The following PCED1B variants were observed in gnomAD, a reference collection of about 807,000 sequenced individuals.
PCED1B encodes the protein PC-esterase domain-containing protein 1B.
For missense variants in PCED1B, 573 were observed against 573.9 expected, an observed-to-expected ratio of 1.00 and a Z score of 0.02; for synonymous variants, 251 against 246.1, an observed-to-expected ratio of 1.02 and a Z score of -0.19.
At chr12:47,180,274 A>G (rs1024100535) in intron 2 of PCED1B, among the ~76,000 whole-genome samples, 1 of 152,224 alleles carries the variant, frequency 6.6e-6, no homozygotes, top group Admixed American at 6.5e-5. Context: ...ACATGATCTC[A>G]TTCCTTTTTA....
intron 1 of PCED1B, among the ~76,000 whole-genome samples, chr12:47,103,793 A>G (rs1231759988): frequency 6.6e-6 from 1 of 152,224 alleles, no homozygotes; most frequent in African/African-American, 2.4e-5. Context: ...GCCGTAAGAC[A>G]TCAGGTAAGT....
intron 2 of PCED1B, among the ~76,000 whole-genome samples, chr12:47,132,231 T>C (rs532266852): frequency 2.6e-5 from 4 of 152,294 alleles, no homozygotes; most frequent in South Asian, 4.1e-4. Context: ...TCAGTTGAGA[T>C]AGAGCTTTGA....
At chr12:47,089,372 G>A (rs762943677) in intron 1 of PCED1B, among the ~76,000 whole-genome samples, 5 of 149,272 alleles carry the variant, frequency 3.3e-5, no homozygotes, top group African/African-American at 7.4e-5. Context: ...GCATGAACCC[G>A]GGTGGCGGGG....
At chr12:47,232,910 TTTA>T in intron 3 of PCED1B, among the ~76,000 whole-genome samples, 1 of 78,108 alleles carries the variant, frequency 1.3e-5, no homozygotes, top group Non-Finnish European at 3.1e-5. Flanking sequence ...AGAAATTTTA[TTTA>T]TTTATTTATT....
intron 3 of PCED1B, chr12:47,223,935 G>A (rs974560100): frequency 2.0e-5 from 3 of 152,196 alleles, no homozygotes; most frequent in African/African-American, 7.2e-5. Flanking sequence ...AGAGGAAACT[G>A]GTTCAGAACT....
At chr12:47,213,002 T>G (rs1272299215) in intron 2 of PCED1B, among the ~76,000 whole-genome samples, 1 of 152,254 alleles carries the variant, frequency 6.6e-6, no homozygotes, top group Non-Finnish European at 1.5e-5. Context: ...TGGAAATGTT[T>G]AAGAAATCCT....
chr12:47,104,689 C>T (rs1303190497), intron 2 of PCED1B, among the ~76,000 whole-genome samples: 1 of 152,194 alleles, frequency 6.6e-6, no homozygotes, highest in Admixed American at 6.5e-5. Context: ...TCAACTTTCA[C>T]CAAACCTCTT....
intron 2 of PCED1B, among the ~76,000 whole-genome samples, chr12:47,190,391 C>A (rs1942405124): frequency 6.6e-6 from 1 of 152,180 alleles, no homozygotes; most frequent in Admixed American, 6.5e-5. Context: ...GGTCTCCAAC[C>A]TTTGGCACCC....
At chr12:47,203,545 A>G (rs1942830039) in intron 2 of PCED1B, among the ~76,000 whole-genome samples, 1 of 152,174 alleles carries the variant, frequency 6.6e-6, no homozygotes. Context: ...GCTCCCACTT[A>G]TAAGTGAGAA....
In PCED1B at chr12:47,217,434, A is replaced by G. The variant is rs1281824047; in HGVS notation, c.-58+745A>G. Reference sequence around the variant, plus strand: ...GAGAGAGAGACAGAGAAAGAAGAAAAAAAAAGAAAGAAAGAAAGAAAGAAA... The same window carrying G: ...GAGAGAGAGACAGAGAAAGAAGAAAGAAAAAGAAAGAAAGAAAGAAAGAAA... On this transcript the variant is annotated intron_variant, in intron 3 of 3. Coordinates refer to ENST00000546455, the MANE Select transcript of PCED1B (RefSeq NM_138371.3). Among the ~76,000 whole-genome samples, 3 of 113,002 alleles carry G rather than the reference A, an allele frequency of 2.7e-5. 1 individual carries two copies. Among genetic ancestry groups the G allele is most frequent in the East Asian group, 5.3e-4 (2 of 3,740 alleles). The allele number at this position is 113,002 out of a possible 152,430, so 74.1% of individuals were successfully genotyped here. A position where few individuals can be genotyped will look rare whatever the true frequency, so the allele number is the denominator to read the frequency against.
intron 2 of PCED1B, among the ~76,000 whole-genome samples, chr12:47,212,350 A>G (rs1245661963): frequency 6.6e-6 from 1 of 152,182 alleles, no homozygotes; most frequent in Non-Finnish European, 1.5e-5. Context: ...AAGGTAAGGG[A>G]CATTGCTAAA....
intron 2 of PCED1B, among the ~76,000 whole-genome samples, chr12:47,151,914 G>T (rs907801100): frequency 6.6e-6 from 1 of 152,034 alleles, no homozygotes; most frequent in Non-Finnish European, 1.5e-5. Flanking sequence ...AGGCTTAATT[G>T]AATATCTGGG....
At chr12:47,152,871 G>A (rs886241432) in intron 2 of PCED1B, among the ~76,000 whole-genome samples, 2 of 151,560 alleles carry the variant, frequency 1.3e-5, no homozygotes, top group Non-Finnish European at 2.9e-5. Context: ...GGAGGTGGAG[G>A]TTGCAGTAAG....
chr12:47,173,291 A>G (rs1941810768), intron 2 of PCED1B, among the ~76,000 whole-genome samples: 2 of 152,196 alleles, frequency 1.3e-5, no homozygotes, highest in African/African-American at 4.8e-5. Flanking sequence ...GTCTCCCTCT[A>G]TTGCCAGACT....
chr12:47,126,904 G>C (rs1234895684), intron 2 of PCED1B, among the ~76,000 whole-genome samples: 1 of 152,006 alleles, frequency 6.6e-6, no homozygotes, highest in African/African-American at 2.4e-5. Context: ...CTTTTTCGTT[G>C]TTTTGGCTAG....
At chr12:47,109,328 G>A (rs1211470374) in intron 2 of PCED1B, among the ~76,000 whole-genome samples, 2 of 151,034 alleles carry the variant, frequency 1.3e-5, no homozygotes, top group East Asian at 3.9e-4. Flanking sequence ...TCTCAACCCT[G>A]GCTACACATT....
intron 1 of PCED1B, among the ~76,000 whole-genome samples, chr12:47,099,230 A>G (rs1007650203): frequency 1.3e-5 from 2 of 152,260 alleles, no homozygotes; most frequent in Non-Finnish European, 2.9e-5. Context: ...ACAGTAAGGG[A>G]TAACAATTCA....
chr12:47,142,537 A>G (rs1269032430), intron 2 of PCED1B, among the ~76,000 whole-genome samples: 4 of 152,202 alleles, frequency 2.6e-5, no homozygotes. Context: ...AAAAAAGCTC[A>G]ATGAGATGCA....
intron 2 of PCED1B, among the ~76,000 whole-genome samples, chr12:47,156,839 G>C (rs141754319): frequency 5.3e-5 from 8 of 152,060 alleles, no homozygotes; most frequent in Non-Finnish European, 4.4e-5. Flanking sequence ...GCTCTCCTTC[G>C]TTACTTACTA....
Sources: gnomAD v4.1 joint callset for allele counts (sites outside exome capture counted in the v4.1 genomes callset) on GRCh38, gnomAD v4.1.1 for gene constraint, MANE v1.5 for transcripts, NCBI Gene and HGNC (gene_info 2026-07-23, HGNC 2026-07-21) for gene names.